The following VAV3 variants were observed in gnomAD, a reference collection of about 807,000 sequenced individuals.
VAV3 encodes the protein vav guanine nucleotide exchange factor 3.
VAV3 carries 94 observed loss-of-function variants against 131.2 expected under a neutral mutation model. The observed-to-expected ratio is 0.72, with a 90% CI of 0.61 to 0.85. VAV3 has a LOEUF of 0.85. VAV3 is among the 40% of genes least tolerant of loss of function. The probability of loss-of-function intolerance (pLI) is 0.00; values close to 1 mark genes in which losing one functional copy is unlikely to be tolerated. For synonymous variants in VAV3, 349 were observed against 342.0 expected (o/e 1.02, Z -0.22); for missense variants, 939 against 1,002.7 (o/e 0.94, Z 0.86).
intron 2 of VAV3, among the ~76,000 whole-genome samples, chr1:107,856,969 T>C (rs1571050936): frequency 6.6e-6 from 1 of 151,858 alleles, no homozygotes; most frequent in Non-Finnish European, 1.5e-5. Flanking sequence ...AGCCCAAGAG[T>C]TTGAGGTTAC....
At chr1:107,662,464 C>T (rs1657090884) in intron 19 of VAV3, among the ~76,000 whole-genome samples, 1 of 152,150 alleles carries the variant, frequency 6.6e-6, no homozygotes, top group Admixed American at 6.5e-5. Flanking sequence ...TATAAGTTAT[C>T]TCTCTCACAC....
At chr1:107,873,407 CCAATT>C (rs1417102423) in intron 2 of VAV3, among the ~76,000 whole-genome samples, 1 of 151,914 alleles carries the variant, frequency 6.6e-6, no homozygotes, top group Non-Finnish European at 1.5e-5. Flanking sequence ...TTTCATTTCC[CCAATT>C]CATTTTCATT....
chr1:107,886,792 C>CA (rs1349894717), intron 1 of VAV3, among the ~76,000 whole-genome samples: 1 of 151,990 alleles, frequency 6.6e-6, no homozygotes, highest in Non-Finnish European at 1.5e-5. Flanking sequence ...GGAGATCATG[C>CA]TTTTATATCT....
At chr1:107,633,337 A>G (rs1258168264) in intron 20 of VAV3, among the ~76,000 whole-genome samples, 1 of 152,222 alleles carries the variant, frequency 6.6e-6, no homozygotes, top group Non-Finnish European at 1.5e-5. Context: ...GCATGGTTCT[A>G]GGACTCCTGC....
At chr1:107,658,427 A>G (rs1342284201) in intron 19 of VAV3, among the ~76,000 whole-genome samples, 24 of 152,282 alleles carry the variant, frequency 1.6e-4, no homozygotes, top group African/African-American at 5.8e-4. Flanking sequence ...ATGTGTCTTT[A>G]TAGCAGCATG....
chr1:107,954,444 T>C (rs1251162512), intron 1 of VAV3, among the ~76,000 whole-genome samples: 1 of 152,114 alleles, frequency 6.6e-6, no homozygotes, highest in African/African-American at 2.4e-5. Context: ...CTTTTCCCAT[T>C]ATATACCTGT....
intron 2 of VAV3, among the ~76,000 whole-genome samples, chr1:107,868,974 C>G (rs1670129467): frequency 1.3e-5 from 2 of 152,198 alleles, no homozygotes. Context: ...ATCTTCAACT[C>G]TATTCCCTCT....
intron 26 of VAV3, 109 bp from the exon 27 acceptor site, chr1:107,573,481 T>G (rs907517076): frequency 7.0e-6 from 9 of 1,280,284 alleles, no homozygotes; most frequent in African/African-American, 1.5e-5. Context: ...AAACTGGGGT[T>G]TTATGTCCAT....
Position 107,894,482 on chromosome 1 carries a change from AAG to A in VAV3, c.205-19467_205-19466del, listed in dbSNP as rs1262564230. Among the ~76,000 whole-genome samples, 4 of 152,326 alleles carry A rather than the reference AAG, an allele frequency of 2.6e-5. No individual in the cohort carries two copies. The South Asian group carries it at 8.3e-4, about 32-fold the overall frequency. ...ACAAGCTGAACTCTCATAATAAGGA[AAG>A]TGATATAAATCTCATTAGACAAGAA... is the stretch of plus-strand genomic sequence containing the variant. On this transcript the variant is annotated intron_variant, in intron 1 of 26. Coordinates refer to ENST00000370056, the MANE Select transcript of VAV3 (RefSeq NM_006113.5).
intron 25 of VAV3, among the ~76,000 whole-genome samples, chr1:107,580,019 G>A (rs1649927589): frequency 6.6e-6 from 1 of 152,140 alleles, no homozygotes; most frequent in Admixed American, 6.5e-5. Context: ...CCCCTTCTTT[G>A]ACCTTTCCTA....
At chr1:107,683,570 T>G (rs1340852957) in intron 18 of VAV3, 37 bp from the exon 19 acceptor site, 1 of 1,609,926 alleles carries the variant, frequency 6.2e-7, no homozygotes, top group Admixed American at 1.7e-5. Flanking sequence ...AACAAATATG[T>G]GTTGGTAATT....
intron 25 of VAV3, among the ~76,000 whole-genome samples, chr1:107,588,567 T>C (rs538301190): frequency 1.3e-5 from 2 of 152,304 alleles, no homozygotes; most frequent in South Asian, 4.1e-4. Context: ...CTAACTCTTT[T>C]AAGCCTCCTA....
At chr1:107,716,102 C>T (rs1186065444) in intron 15 of VAV3, among the ~76,000 whole-genome samples, 1 of 152,092 alleles carries the variant, frequency 6.6e-6, no homozygotes, top group African/African-American at 2.4e-5. Flanking sequence ...ACATTCCATC[C>T]TTCAAATACA....
At chr1:107,830,396 G>A (rs958648340) in intron 2 of VAV3, among the ~76,000 whole-genome samples, 1 of 151,748 alleles carries the variant, frequency 6.6e-6, no homozygotes, top group African/African-American at 2.4e-5. Context: ...TTGTAGAGAT[G>A]GGTCTCACTA....
intron 15 of VAV3, among the ~76,000 whole-genome samples, chr1:107,714,846 T>C (rs1220346738): frequency 6.6e-6 from 1 of 152,150 alleles, no homozygotes; most frequent in Non-Finnish European, 1.5e-5. Context: ...AATCAGATCA[T>C]GCTTAGCTCT....
At chr1:107,732,411 C>G (rs923089427) in intron 15 of VAV3, among the ~76,000 whole-genome samples, 1 of 152,096 alleles carries the variant, frequency 6.6e-6, no homozygotes, top group Non-Finnish European at 1.5e-5. Context: ...GGCAGGGCAT[C>G]GCCTCACCCA....
chr1:107,849,887 A>C (rs1007598351), intron 2 of VAV3, among the ~76,000 whole-genome samples: 6 of 151,418 alleles, frequency 4.0e-5, no homozygotes, highest in South Asian at 2.1e-4. Flanking sequence ...AAACAAACAA[A>C]CAACCCCATC....
intron 2 of VAV3, among the ~76,000 whole-genome samples, chr1:107,780,702 G>C (rs1296305289): frequency 2.0e-5 from 3 of 152,098 alleles, no homozygotes; most frequent in Non-Finnish European, 4.4e-5. Flanking sequence ...TTTTAGTAGA[G>C]ATGCAGTTTC....
At chr1:107,948,559 G>A (rs1382125085) in intron 1 of VAV3, among the ~76,000 whole-genome samples, 1 of 152,120 alleles carries the variant, frequency 6.6e-6, no homozygotes, top group Non-Finnish European at 1.5e-5. Context: ...CAACAATAAA[G>A]CTGGCCAGGC....
Sources: gnomAD v4.1 joint callset for allele counts (sites outside exome capture counted in the v4.1 genomes callset) on GRCh38, gnomAD v4.1.1 for gene constraint, MANE v1.5 for transcripts, NCBI Gene and HGNC (gene_info 2026-07-23, HGNC 2026-07-21) for gene names.